Variants in TAF4B observed in about 807,000 individuals in gnomAD.
TAF4B encodes the protein transcription initiation factor TFIID subunit 4B.
Under a neutral mutation model 86.4 loss-of-function variants are expected in TAF4B, and 38 were observed. The observed-to-expected ratio is 0.44, with a 90% CI of 0.34 to 0.58. The LOEUF is 0.58. Ranked by LOEUF, TAF4B falls within the 20% of genes least tolerant of loss-of-function variation. TAF4B has a pLI of 0.02. For missense variants in TAF4B, 988 were observed against 1,027.6 expected, an observed-to-expected ratio of 0.96 and a Z score of 0.53; for synonymous variants, 388 against 391.2, an observed-to-expected ratio of 0.99 and a Z score of 0.10.
At chr18:26,377,166 G>A (rs1036943565) in intron 14 of TAF4B, among the ~76,000 whole-genome samples, 2 of 152,068 alleles carry the variant, frequency 1.3e-5, no homozygotes, top group Non-Finnish European at 2.9e-5. Context: ...GCTTGTTTAG[G>A]TATCAGAGTA....
chr18:26,276,098 G>A (rs1598748677), intron 5 of TAF4B, among the ~76,000 whole-genome samples: 1 of 151,790 alleles, frequency 6.6e-6, no homozygotes, highest in Non-Finnish European at 1.5e-5. Context: ...AATGAAATTC[G>A]GTTCTTATAT....
Position 26,227,114 on chromosome 18 carries a change from C to A in TAF4B, c.181C>A (p.Pro61Thr). Residue 61 changes from proline (P) to threonine (T), a missense_variant, in exon 1 of 15, where the codon CCC (proline) becomes ACC (threonine). Coordinates refer to ENST00000269142, the MANE Select transcript of TAF4B (RefSeq NM_005640.3). ...CTGCGTGGAGCCCACGGCGTCCCAG[C>A]CCCTGCGGTCCCCCGTGGGGACCCT... ...SVCVEPTASQ[P>T]LRSPVGTLVT... is the part of the protein sequence containing the mutation. 7 of 1,613,306 alleles carry A rather than the reference C, an allele frequency of 4.3e-6. No individual in the cohort carries two copies. The highest frequency in any genetic ancestry group is 5.9e-6 in the Non-Finnish European group (7 of 1,179,726).
chr18:26,263,812 C>T (rs1346320078), intron 1 of TAF4B, among the ~76,000 whole-genome samples: 1 of 152,106 alleles, frequency 6.6e-6, no homozygotes, highest in East Asian at 1.9e-4. Flanking sequence ...CTTGTGGGCT[C>T]AAGCTGTCCT....
chr18:26,362,064 A>G (rs1364168653), intron 14 of TAF4B, among the ~76,000 whole-genome samples: 1 of 152,226 alleles, frequency 6.6e-6, no homozygotes, highest in Non-Finnish European at 1.5e-5. Flanking sequence ...GTAACATTAT[A>G]CAACAAATTA....
intron 14 of TAF4B, among the ~76,000 whole-genome samples, chr18:26,385,567 T>C (rs1429221194): frequency 6.6e-6 from 1 of 151,988 alleles, no homozygotes; most frequent in Non-Finnish European, 1.5e-5. Flanking sequence ...ATCTTTCATT[T>C]TCATCCAGGT....
In TAF4B at chr18:26,388,484, G is replaced by A. The variant is rs145947398; in HGVS notation, c.2422-1361G>A. On this transcript the variant is annotated intron_variant, in intron 14 of 14. Coordinates refer to ENST00000269142, the MANE Select transcript of TAF4B (RefSeq NM_005640.3). ...TAGTCCTTGTCCTCAGAAAGCTTATGGTCTAGTGGGTATGTAGTGGTGGCG... is the reference window on the plus strand; with the variant it reads ...TAGTCCTTGTCCTCAGAAAGCTTATAGTCTAGTGGGTATGTAGTGGTGGCG... Among the ~76,000 whole-genome samples the A allele has an allele frequency of 2.0e-3, 308 of 152,322 alleles. 1 individual carries two copies. Among genetic ancestry groups the A allele is most frequent in the African/African-American group, 7.2e-3 (299 of 41,574 alleles).
intron 12 of TAF4B, among the ~76,000 whole-genome samples, chr18:26,331,848 A>G (rs2057052863): frequency 6.6e-6 from 1 of 152,210 alleles, no homozygotes. Flanking sequence ...TGGTCAGAAT[A>G]ATGTTTTTAT....
At chr18:26,270,333 C>T (rs552597972) in intron 3 of TAF4B, among the ~76,000 whole-genome samples, 5 of 152,272 alleles carry the variant, frequency 3.3e-5, no homozygotes, top group Admixed American at 2.0e-4. Context: ...TTTAATTTGT[C>T]CCCTGCCAGC....
chr18:26,228,755 ACT>A (rs1243818148), intron 1 of TAF4B, among the ~76,000 whole-genome samples: 2 of 151,984 alleles, frequency 1.3e-5, no homozygotes, highest in Non-Finnish European at 2.9e-5. Context: ...ACAGAGTGAG[ACT>A]CTGTTCCTCC....
intron 14 of TAF4B, among the ~76,000 whole-genome samples, chr18:26,368,203 T>C (rs1410584679): frequency 6.6e-6 from 1 of 152,182 alleles, no homozygotes; most frequent in African/African-American, 2.4e-5. Context: ...GAGAACCAGG[T>C]TGAATTCTTA....
intron 13 of TAF4B, chr18:26,348,312 T>TG (rs1418206876): frequency 1.3e-5 from 2 of 152,296 alleles, no homozygotes; most frequent in Non-Finnish European, 2.9e-5. Context: ...GGACAACCAA[T>TG]GGGTGAAGGG....
intron 1 of TAF4B, among the ~76,000 whole-genome samples, chr18:26,247,468 A>G (rs2055943820): frequency 6.6e-6 from 1 of 152,158 alleles, no homozygotes; most frequent in African/African-American, 2.4e-5. Flanking sequence ...ACCTGTCCCT[A>G]TTTTTTAAAT....
chr18:26,248,111 A>G (rs928423162), intron 1 of TAF4B, among the ~76,000 whole-genome samples: 4 of 57,560 alleles, frequency 6.9e-5, no homozygotes, highest in African/African-American at 2.1e-4. Context: ...CCTGGGCTCA[A>G]GTGATCTTCC....
At chr18:26,240,375 G>T (rs2055818284) in intron 1 of TAF4B, among the ~76,000 whole-genome samples, 1 of 152,080 alleles carries the variant, frequency 6.6e-6, no homozygotes, top group African/African-American at 2.4e-5. Context: ...TCAGGATTTG[G>T]CTCTCTGTTT....
chr18:26,282,145 C>A, intron 6 of TAF4B, 85 bp downstream of exon 6: 1 of 1,123,612 alleles, frequency 8.9e-7, no homozygotes, highest in Non-Finnish European at 1.3e-6. Context: ...AATATGACAG[C>A]AATTGAATGT....
intron 1 of TAF4B, among the ~76,000 whole-genome samples, chr18:26,240,059 T>C (rs573376677): frequency 6.6e-6 from 1 of 152,372 alleles, no homozygotes; most frequent in East Asian, 1.9e-4. Context: ...TATGATTGTC[T>C]TGGCAATGCT....
chr18:26,315,209 CT>C lies in TAF4B; in HGVS notation c.1833-8del, dbSNP rs3842402. On this transcript the variant is annotated intron_variant, in intron 9 of 14. Coordinates refer to ENST00000269142, the MANE Select transcript of TAF4B (RefSeq NM_005640.3). ...CACACACACAACCTAAAATGTATAA[CT>C]TTTTTTTTTTTCTATTAGAGATGAG... The C allele has an allele frequency of 0.035, 40,938 of 1,178,880 alleles. 3,385 individuals carry two copies. The highest frequency in any genetic ancestry group is 0.34 in the African/African-American group (19,419 of 57,542). 73.0% of individuals were successfully genotyped at this position (1,178,880 alleles called of 1,614,324 possible). A position where few individuals can be genotyped will look rare whatever the true frequency, so the allele number is the denominator to read the frequency against.
At chr18:26,259,752 G>A (rs559900540) in intron 1 of TAF4B, among the ~76,000 whole-genome samples, 40 of 152,176 alleles carry the variant, frequency 2.6e-4, no homozygotes, top group African/African-American at 4.6e-4. Flanking sequence ...ACACATGTGC[G>A]TGTGTCTTTA....
intron 9 of TAF4B, among the ~76,000 whole-genome samples, chr18:26,304,071 T>C (rs1172548743): frequency 1.3e-5 from 2 of 151,994 alleles, no homozygotes; most frequent in African/African-American, 4.8e-5. Flanking sequence ...AAAAATCATA[T>C]ACCAACAGCC....
Sources: allele counts gnomAD v4.1 joint callset (sites outside exome capture counted in the v4.1 genomes callset), GRCh38; gene constraint gnomAD v4.1.1; transcripts MANE v1.5; gene names NCBI Gene and HGNC (gene_info 2026-07-23, HGNC 2026-07-21).